The following PISD variants were observed in gnomAD, a reference collection of about 807,000 sequenced individuals.
PISD encodes the protein phosphatidylserine decarboxylase proenzyme, mitochondrial.
A neutral mutation model predicts 43.5 loss-of-function variants in PISD; 31 were observed. The observed-to-expected ratio is 0.71, with a 90% CI of 0.54 to 0.96. PISD has a LOEUF of 0.96. PISD is among the 40% of genes least tolerant of loss of function. The probability of loss-of-function intolerance (pLI) is 0.00; values close to 1 mark genes in which losing one functional copy is unlikely to be tolerated. For synonymous variants in PISD, 259 were observed against 228.7 expected (o/e 1.13, Z -1.20); for missense variants, 523 against 548.4 (o/e 0.95, Z 0.46).
At chr22:31,623,698 T>G in intron 3 of PISD, 1 of 1,613,738 alleles carries the variant, frequency 6.2e-7, no homozygotes, top group Non-Finnish European at 8.5e-7. Context: ...CTTACGGGCC[T>G]CCATCCCACC....
chr22:31,621,874 G>A lies in PISD; in HGVS notation c.333C>T (p.Tyr111=), dbSNP rs973222396. ...ACAGCAAGCGCGTTGGCACTGACTT[G>A]TACAAAGCCACCTGCAGGCCACAGG... ...KLAGHWEVAL[Y]KSVPTRLLSR... Residue 111 remains tyrosine (Y), a synonymous_variant, in exon 4 of 8, where the codon TAC becomes TAT. Transcript: ENST00000439502. 7.5e-6 allele frequency: 12 copies of A among 1,607,858 alleles called. No homozygotes were observed. In the African/African-American group the frequency reaches 1.1e-4, roughly 14 times the overall value.
Position 31,621,151 on chromosome 22 carries a change from T to G in PISD, c.698-9A>C, listed in dbSNP as rs2072541723. ...GGAGTCACACGACGCGGCTGTGGAGTAGGAGCAGACGTGGGGGCCACCAAC... is the reference window on the plus strand; with the variant it reads ...GGAGTCACACGACGCGGCTGTGGAGGAGGAGCAGACGTGGGGGCCACCAAC... On this transcript the variant is annotated splice_polypyrimidine_tract_variant and intron_variant, in intron 5 of 7. Coordinates refer to ENST00000439502, the MANE Select transcript of PISD (RefSeq NM_001326411.2). The G allele has an allele frequency of 3.7e-6, 6 of 1,613,554 alleles. No homozygotes were observed. The highest frequency in any genetic ancestry group is 5.1e-6 in the Non-Finnish European group (6 of 1,179,906).
intron 3 of PISD, among the ~76,000 whole-genome samples, chr22:31,631,890 G>A (rs5753732): frequency 0.26 from 38,806 of 152,066 alleles, 5,302 homozygotes; most frequent in East Asian, 0.43. Flanking sequence ...CAATTCCAGC[G>A]GCTTCTCACC....
chr22:31,651,048 C>T (rs74655478), intron 1 of PISD, among the ~76,000 whole-genome samples: 2,184 of 152,278 alleles, frequency 0.014, 50 homozygotes, highest in African/African-American at 0.049. Flanking sequence ...ACTCCAACCT[C>T]TGCCTCCCGG....
intron 7 of PISD, 110 bp downstream of exon 7, chr22:31,620,443 C>G: frequency 3.7e-6 from 4 of 1,085,854 alleles, no homozygotes; most frequent in Non-Finnish European, 5.4e-6. Context: ...CTGACCAGAG[C>G]TGTGGCCTCC....
rs574456167 is a variant in PISD at position 31,647,569 on chromosome 22, C to T, written c.321+532G>A. ...CAGTTTCACAATTTACTGAATGTCT[C>T]CTCTAAGTCAGGAATCATCCTGGGA... is the stretch of plus-strand genomic sequence containing the variant. On this transcript the variant is annotated intron_variant, in intron 3 of 7. Coordinates refer to ENST00000439502, the MANE Select transcript of PISD (RefSeq NM_001326411.2). Among the ~76,000 whole-genome samples, 5 of 152,312 alleles carry T rather than the reference C, an allele frequency of 3.3e-5. No homozygotes were observed. In the East Asian group the frequency reaches 9.6e-4, roughly 29 times the overall value.
chr22:31,657,217 A>G (rs1316908570), intron 1 of PISD, among the ~76,000 whole-genome samples: 6 of 151,746 alleles, frequency 4.0e-5, no homozygotes, highest in Non-Finnish European at 7.4e-5. Flanking sequence ...GCTCACCGCA[A>G]CCTCCGCCTC....
intron 3 of PISD, among the ~76,000 whole-genome samples, chr22:31,644,516 GGCATGAGCCACCAC>G (rs957361428): frequency 1.2e-4 from 19 of 152,094 alleles, no homozygotes; most frequent in African/African-American, 4.6e-4. Flanking sequence ...TGGGATTACA[GGCATGAGCCACCAC>G]GCCCAGCCTC....
In PISD at chr22:31,632,876, T is replaced by C. The variant is rs554446946; in HGVS notation, c.322-10991A>G. 1.6e-3 allele frequency among the ~76,000 whole-genome samples: 245 copies of C among 152,310 alleles called. 1 individual carries two copies. Among genetic ancestry groups the C allele is most frequent in the Non-Finnish European group, 2.4e-3 (166 of 68,030 alleles). On this transcript the variant is annotated intron_variant, in intron 3 of 7. Coordinates refer to ENST00000439502, the MANE Select transcript of PISD (RefSeq NM_001326411.2). ...ATGTTTTTGTGGTCAGAAACATCCA[T>C]AGGAACTTAATTCTTGCTTCTATCA...
intron 1 of PISD, among the ~76,000 whole-genome samples, chr22:31,657,370 CG>C (rs2074208979): frequency 1.3e-5 from 2 of 151,908 alleles, no homozygotes; most frequent in African/African-American, 4.8e-5. Flanking sequence ...CTCCTGACCT[CG>C]TGATCCACCC....
chr22:31,662,025 C>T lies in PISD; in HGVS notation c.65+119G>A, dbSNP rs543310751. The T allele has an allele frequency of 2.2e-5, 19 of 875,664 alleles. No homozygotes were observed. The South Asian group carries it at 2.7e-4, about 12-fold the overall frequency. 54.2% of individuals were successfully genotyped at this position (875,664 alleles called of 1,614,324 possible). ...GCTCCTAAGCTCGAGGTGAAGGTGG[C>T]TCCGTCTCCACCCGAGCTCGCCTCA... On this transcript the variant is annotated intron_variant, in intron 1 of 7. Transcript: ENST00000439502.
chr22:31,646,389 C>T (rs1258241769), intron 3 of PISD, among the ~76,000 whole-genome samples: 1 of 152,180 alleles, frequency 6.6e-6, no homozygotes, highest in Admixed American at 6.6e-5. Flanking sequence ...TTTCCAGGCC[C>T]TGGGACTTAT....
Position 31,648,254 on chromosome 22 carries a change from G to A in PISD, c.168C>T (p.Ala56=). 1 of 1,609,586 alleles carries A rather than the reference G, an allele frequency of 6.2e-7. No individual in the cohort carries two copies. The highest frequency in any genetic ancestry group is 2.2e-5 in the East Asian group (1 of 44,820). Residue 56 remains alanine (A), a synonymous_variant, in exon 3 of 8, where the codon GCC becomes GCT. Transcript: ENST00000439502. The part of the protein sequence containing the change: ...FRTDARKIHT[A]PARTMFLLRP... The stretch of plus-strand genomic sequence containing the variant: ...GCAGCAGGAACATGGTTCGGGCAGG[G>A]GCAGTGTGGATTTTTCTGGCATCTG...
In PISD at chr22:31,620,982, G is replaced by C. The variant is rs779538509; in HGVS notation, c.844+14C>G. 1 of 1,604,624 alleles carries C rather than the reference G, an allele frequency of 6.2e-7. No homozygotes were observed. Among genetic ancestry groups the C allele is most frequent in the South Asian group, 1.1e-5 (1 of 90,568 alleles). ...CCACAGAGGCAGCTCCCCCCACGCT[G>C]GCCCCGGGCTGACCTGGGAAGTGGC... On this transcript the variant is annotated intron_variant, in intron 6 of 7. Coordinates refer to ENST00000439502, the MANE Select transcript of PISD (RefSeq NM_001326411.2).
In PISD at chr22:31,662,163, C is replaced by T. The variant is rs1569495051; in HGVS notation, c.46G>A (p.Val16Ile). 1 of 1,607,138 alleles carries T rather than the reference C, an allele frequency of 6.2e-7. No homozygotes were observed. Among genetic ancestry groups the T allele is most frequent in the Middle Eastern group, 1.7e-4 (1 of 6,058 alleles). The change falls in exon 1 of 8, where the codon GTC becomes ATC. Residue 16 changes from valine (V) to isoleucine (I), a missense_variant. Val to Ile is a conservative substitution (Grantham distance 29). Transcript: ENST00000439502. ...GHRCLGLLHG[V>I]APWRSSLHPC... ...CTATACCTGCTCCGCCACGGCGCGA[C>T]CCCGTGCAGTAATCCCAGACATCGG...
chr22:31,631,779 G>C (rs371182235), intron 3 of PISD, among the ~76,000 whole-genome samples: 1 of 152,218 alleles, frequency 6.6e-6, no homozygotes, highest in East Asian at 1.9e-4. Flanking sequence ...AAGTAGCCTT[G>C]TTCACATCTG....
At chr22:31,637,119 A>T (rs1464676642) in intron 3 of PISD, among the ~76,000 whole-genome samples, 1 of 125,396 alleles carries the variant, frequency 8.0e-6, no homozygotes, top group Non-Finnish European at 1.7e-5. Context: ...AAAACTCTAC[A>T]AAAAAAAATA....
At chr22:31,656,522 G>A (rs1017520346) in intron 1 of PISD, among the ~76,000 whole-genome samples, 2 of 151,716 alleles carry the variant, frequency 1.3e-5, no homozygotes, top group South Asian at 4.2e-4. Context: ...GGTGGTCGGT[G>A]CCTATAGTCC....
At chr22:31,636,021 T>C (rs1419752572) in intron 3 of PISD, among the ~76,000 whole-genome samples, 1 of 152,226 alleles carries the variant, frequency 6.6e-6, no homozygotes, top group Non-Finnish European at 1.5e-5. Context: ...GCCCTATTTA[T>C]AGATGAGAAT....
Sources: gnomAD v4.1 joint callset for allele counts (sites outside exome capture counted in the v4.1 genomes callset) on GRCh38, gnomAD v4.1.1 for gene constraint, MANE v1.5 for transcripts, NCBI Gene and HGNC (gene_info 2026-07-23, HGNC 2026-07-21) for gene names.